The following SGCZ variants were observed in gnomAD, a reference collection of about 807,000 sequenced individuals.
SGCZ encodes the protein zeta-sarcoglycan.
Under a neutral mutation model 41.3 loss-of-function variants are expected in SGCZ, and 40 were observed. That is an observed-to-expected ratio of 0.97 (90% CI 0.75 to 1.26). The LOEUF (loss-of-function observed/expected upper bound fraction) is 1.26, where lower values mean the gene tolerates loss of function less well. SGCZ is among the 50% of genes most tolerant of loss of function. The probability of loss-of-function intolerance (pLI) is 0.00; values close to 1 mark genes in which losing one functional copy is unlikely to be tolerated. For missense variants in SGCZ, 552 were observed against 369.8 expected (o/e 1.49, Z -4.04); for synonymous variants, 206 against 137.5 (o/e 1.50, Z -3.49).
intron 3 of SGCZ, among the ~76,000 whole-genome samples, chr8:14,257,488 ATT>A (rs35855115): frequency 0.39 from 58,136 of 150,998 alleles, 12,537 homozygotes; most frequent in Non-Finnish European, 0.5. Flanking sequence ...ACGTATGACA[ATT>A]TTTTTTTTAT....
At chr8:14,784,864 T>A (rs1431075648) in intron 1 of SGCZ, among the ~76,000 whole-genome samples, 42 of 128,276 alleles carry the variant, frequency 3.3e-4, no homozygotes, top group African/African-American at 1.3e-3. Context: ...ATCATGCCAT[T>A]GCACTCCAAC....
At chr8:14,979,967 G>A (rs1801607511) in intron 1 of SGCZ, among the ~76,000 whole-genome samples, 1 of 152,034 alleles carries the variant, frequency 6.6e-6, no homozygotes, top group Admixed American at 6.5e-5. Flanking sequence ...TTAAATTTTA[G>A]GAATCATGCT....
chr8:15,123,969 G>A (rs1807582164), intron 1 of SGCZ, among the ~76,000 whole-genome samples: 1 of 152,144 alleles, frequency 6.6e-6, no homozygotes, highest in Non-Finnish European at 1.5e-5. Context: ...AAGAAAGAGG[G>A]AACATTGGAC....
chr8:14,693,582 CTTTTTTTTTTTTTTT>C (rs67757752), intron 1 of SGCZ, among the ~76,000 whole-genome samples: 1 of 61,554 alleles, frequency 1.6e-5, no homozygotes, highest in Non-Finnish European at 2.8e-5. Flanking sequence ...CCACGACTGG[CTTTTTTTTTTTTTTT>C]TTTTTTTTTT....
chr8:14,112,043 A>G (rs1802386511), intron 5 of SGCZ, among the ~76,000 whole-genome samples: 1 of 152,158 alleles, frequency 6.6e-6, no homozygotes, highest in African/African-American at 2.4e-5. Flanking sequence ...TGTATTTTTT[A>G]CAGAAGTCAC....
intron 2 of SGCZ, among the ~76,000 whole-genome samples, chr8:14,408,742 T>G (rs540071787): frequency 1.8e-4 from 27 of 152,254 alleles, no homozygotes; most frequent in African/African-American, 6.3e-4. Flanking sequence ...TACTCTTTTA[T>G]TATCCTGAAT....
intron 2 of SGCZ, among the ~76,000 whole-genome samples, chr8:14,513,901 C>A (rs1802536562): frequency 6.6e-6 from 1 of 152,012 alleles, no homozygotes; most frequent in Non-Finnish European, 1.5e-5. Context: ...GTGAACTAAA[C>A]AACATTGCTT....
chr8:14,415,631 G>A (rs1799472744), intron 2 of SGCZ, among the ~76,000 whole-genome samples: 1 of 151,806 alleles, frequency 6.6e-6, no homozygotes, highest in Non-Finnish European at 1.5e-5. Flanking sequence ...TCAGATCTAC[G>A]CTTAACACTT....
At chr8:14,794,887 T>TA (rs1451637365) in intron 1 of SGCZ, among the ~76,000 whole-genome samples, 3 of 152,140 alleles carry the variant, frequency 2.0e-5, no homozygotes, top group East Asian at 1.9e-4. Flanking sequence ...GAAATGCCTT[T>TA]AAAAAATCTA....
chr8:15,000,922 C>A (rs540604377), intron 1 of SGCZ, among the ~76,000 whole-genome samples: 1 of 152,288 alleles, frequency 6.6e-6, no homozygotes, highest in South Asian at 2.1e-4. Flanking sequence ...TGTCTGTGTC[C>A]TTAATTCTTT....
intron 2 of SGCZ, among the ~76,000 whole-genome samples, chr8:14,456,928 A>T (rs1367271718): frequency 6.6e-6 from 1 of 152,130 alleles, no homozygotes; most frequent in African/African-American, 2.4e-5. Flanking sequence ...TTTCAGTGTC[A>T]CATGGCTGTT....
At chr8:14,545,995 T>C (rs1016561460) in intron 2 of SGCZ, among the ~76,000 whole-genome samples, 4 of 152,098 alleles carry the variant, frequency 2.6e-5, no homozygotes, top group Non-Finnish European at 5.9e-5. Flanking sequence ...TTTTTCTTTA[T>C]AAAGTCAAGG....
intron 3 of SGCZ, among the ~76,000 whole-genome samples, chr8:14,296,585 G>C (rs1801019339): frequency 6.6e-6 from 1 of 152,032 alleles, no homozygotes; most frequent in Non-Finnish European, 1.5e-5. Context: ...AGTTTAGAAA[G>C]GTGTAAAACT....
At chr8:14,430,408 T>A (rs10086450) in intron 2 of SGCZ, among the ~76,000 whole-genome samples, 116,951 of 152,050 alleles carry the variant, frequency 0.77, 48,381 homozygotes, top group Non-Finnish European at 0.92. Flanking sequence ...AGTCAATAAA[T>A]GTAATACACC....
chr8:14,885,015 G>C (rs1209774303), intron 1 of SGCZ, among the ~76,000 whole-genome samples: 1 of 151,984 alleles, frequency 6.6e-6, no homozygotes, highest in African/African-American at 2.4e-5. Flanking sequence ...CTTTTTCCTT[G>C]TATTAGTAAA....
intron 1 of SGCZ, among the ~76,000 whole-genome samples, chr8:14,761,744 C>G (rs1799886736): frequency 6.6e-6 from 1 of 151,826 alleles, no homozygotes; most frequent in South Asian, 2.1e-4. Context: ...CAGTATAGTA[C>G]AAACTCCTGA....
At chr8:14,567,318 T>A (rs748966195) in intron 1 of SGCZ, among the ~76,000 whole-genome samples, 17 of 152,138 alleles carry the variant, frequency 1.1e-4, no homozygotes, top group Non-Finnish European at 2.5e-4. Context: ...AGTGGGGACT[T>A]GGAGAATCTT....
intron 1 of SGCZ, among the ~76,000 whole-genome samples, chr8:15,165,621 T>C (rs1351617438): frequency 1.3e-5 from 2 of 152,204 alleles, no homozygotes; most frequent in Non-Finnish European, 2.9e-5. Flanking sequence ...AAGTTCAAAA[T>C]TGCTAGGAGT....
intron 1 of SGCZ, among the ~76,000 whole-genome samples, chr8:14,623,200 G>A (rs1806341710): frequency 6.6e-6 from 1 of 152,130 alleles, no homozygotes; most frequent in Non-Finnish European, 1.5e-5. Flanking sequence ...CAATCAAGAT[G>A]AATATAACAC....
Sources: gnomAD v4.1 joint callset for allele counts (sites outside exome capture counted in the v4.1 genomes callset) on GRCh38, gnomAD v4.1.1 for gene constraint, MANE v1.5 for transcripts, NCBI Gene and HGNC (gene_info 2026-07-23, HGNC 2026-07-21) for gene names.